The following DCDC1 variants were observed in gnomAD, a reference collection of about 807,000 sequenced individuals.
DCDC1 encodes the protein doublecortin domain containing 1.
In DCDC1, 200 loss-of-function variants were observed where a neutral mutation model predicts 178.3. The ratio of observed to expected loss-of-function variants is 1.12; its 90% CI spans 1.00 to 1.26. The LOEUF (loss-of-function observed/expected upper bound fraction) is 1.26. DCDC1 is among the 50% of genes most tolerant of loss of function. The pLI is 0.00. For synonymous variants in DCDC1, 690 were observed against 604.8 expected, an observed-to-expected ratio of 1.14 and a Z score of -2.07; for missense variants, 1,983 against 1,749.2, an observed-to-expected ratio of 1.13 and a Z score of -2.38.
At chr11:31,308,834 T>C (rs758575391) in intron 3 of DCDC1, among the ~76,000 whole-genome samples, 1 of 152,178 alleles carries the variant, frequency 6.6e-6, no homozygotes, top group East Asian at 1.9e-4. Flanking sequence ...TCAGGTTCCA[T>C]GTATTACCAT....
At chr11:31,061,229 T>G (rs1479765321) in intron 20 of DCDC1, among the ~76,000 whole-genome samples, 1 of 152,134 alleles carries the variant, frequency 6.6e-6, no homozygotes, top group Non-Finnish European at 1.5e-5. Flanking sequence ...CATGCTTTGT[T>G]GGCTGTCCCA....
intron 10 of DCDC1, among the ~76,000 whole-genome samples, chr11:31,137,355 GT>G (rs35286625): frequency 0.29 from 40,168 of 138,406 alleles, 6,745 homozygotes; most frequent in East Asian, 0.62. Flanking sequence ...TTCATTGCAG[GT>G]TTTTTTTTTT....
At chr11:30,903,728 C>G (rs367687932) in intron 31 of DCDC1, 45 bp from the exon 32 acceptor site, 72 of 1,418,036 alleles carry the variant, frequency 5.1e-5, no homozygotes, top group Middle Eastern at 3.7e-4. Flanking sequence ...AAGGTGATAG[C>G]ATTGGGAATG....
At chr11:31,086,575 A>AT (rs1311775892) in intron 17 of DCDC1, among the ~76,000 whole-genome samples, 1 of 152,008 alleles carries the variant, frequency 6.6e-6, no homozygotes, top group Non-Finnish European at 1.5e-5. Flanking sequence ...GTCGATTTTT[A>AT]TTTTTGTGGA....
Position 31,315,308 on chromosome 11 carries a change from T to TTTA in DCDC1, c.165-7401_165-7400insTAA, listed in dbSNP as rs1949016126. Reference sequence around the variant, plus strand: ...TCCATAGTTCCTATTTGCATACCCTTTTTTTTTTTTTTTTTTTTTTTTTTT... The same window carrying TTTA: ...TCCATAGTTCCTATTTGCATACCCTTTTATTTTTTTTTTTTTTTTTTTTTTTTT... On this transcript the variant is annotated intron_variant, in intron 3 of 38. Transcript: ENST00000684477. Among the ~76,000 whole-genome samples the TTTA allele has an allele frequency of 1.7e-3, 46 of 26,656 alleles. No homozygotes were observed. The South Asian group carries it at 0.056, about 33-fold the overall frequency. The allele number at this position is 26,656 out of a possible 152,430, so 17.5% of individuals were successfully genotyped here.
At chr11:31,291,023 T>C (rs1054451977) in intron 6 of DCDC1, among the ~76,000 whole-genome samples, 171 bp from the exon 7 acceptor site, 7 of 152,072 alleles carry the variant, frequency 4.6e-5, no homozygotes, top group Admixed American at 2.0e-4. Context: ...ACATAAGCTG[T>C]AGCAAGCTGT....
In DCDC1 at chr11:30,952,436, C is replaced by T; in HGVS notation, c.2715+9G>A. ...CTCAATGACCATCTCTTAAGCTAAG[C>T]AACACAACCTCATTAAGTTGGCCAC... is the stretch of plus-strand genomic sequence containing the variant. On this transcript the variant is annotated intron_variant, in intron 21 of 38. Transcript: ENST00000684477. 1 of 1,552,476 alleles carries T rather than the reference C, an allele frequency of 6.4e-7. No individual in the cohort carries two copies. The highest frequency in any genetic ancestry group is 8.7e-7 in the Non-Finnish European group (1 of 1,150,100).
chr11:31,015,400 C>T (rs1353654652), intron 20 of DCDC1, among the ~76,000 whole-genome samples: 2 of 152,074 alleles, frequency 1.3e-5, no homozygotes, highest in Non-Finnish European at 2.9e-5. Flanking sequence ...CACTGAAATG[C>T]TTCGTTTTTC....
chr11:31,270,311 C>T (rs1465656370), intron 7 of DCDC1, among the ~76,000 whole-genome samples: 1 of 152,204 alleles, frequency 6.6e-6, no homozygotes, highest in Non-Finnish European at 1.5e-5. Flanking sequence ...TGTAAAACAG[C>T]CACATTTGAT....
intron 20 of DCDC1, among the ~76,000 whole-genome samples, chr11:30,996,119 C>T (rs1309781617): frequency 2.0e-5 from 3 of 152,108 alleles, no homozygotes; most frequent in Non-Finnish European, 2.9e-5. Context: ...ACAGACCCAT[C>T]ACCGAAAGAA....
intron 9 of DCDC1, among the ~76,000 whole-genome samples, chr11:31,208,842 A>C (rs1972163717): frequency 6.6e-6 from 1 of 152,200 alleles, no homozygotes; most frequent in South Asian, 2.1e-4. Context: ...TCACCTCCTC[A>C]GAGACTGCCT....
chr11:31,139,070 T>C (rs1470200328), intron 9 of DCDC1, among the ~76,000 whole-genome samples: 1 of 152,148 alleles, frequency 6.6e-6, no homozygotes, highest in Non-Finnish European at 1.5e-5. Context: ...ATTACTTGAC[T>C]CTGCCATTGT....
At chr11:31,227,812 C>A (rs569720936) in intron 9 of DCDC1, among the ~76,000 whole-genome samples, 1 of 151,870 alleles carries the variant, frequency 6.6e-6, no homozygotes, top group Admixed American at 6.6e-5. Context: ...AGTAAAAGGA[C>A]ATTATTTTAT....
chr11:31,236,666 C>T (rs1186623438), intron 9 of DCDC1, among the ~76,000 whole-genome samples: 2 of 151,860 alleles, frequency 1.3e-5, no homozygotes, highest in African/African-American at 2.4e-5. Context: ...AATCAACAAT[C>T]ACTCAAATCT....
chr11:31,282,526 GTTA>G (rs1946523668), intron 7 of DCDC1, among the ~76,000 whole-genome samples: 1 of 151,830 alleles, frequency 6.6e-6, no homozygotes, highest in Non-Finnish European at 1.5e-5. Flanking sequence ...GATATATTTG[GTTA>G]TTTATTTCTA....
chr11:30,866,746 C>T (rs1941014929), intron 38 of DCDC1, among the ~76,000 whole-genome samples: 1 of 152,032 alleles, frequency 6.6e-6, no homozygotes, highest in African/African-American at 2.4e-5. Context: ...TCTTGTGGTA[C>T]TTAATTATGG....
intron 7 of DCDC1, chr11:31,281,047 TCC>T: frequency 2.0e-6 from 1 of 488,692 alleles, no homozygotes. Flanking sequence ...CGTCCCATTC[TCC>T]TTAAATTTCA....
intron 34 of DCDC1, among the ~76,000 whole-genome samples, chr11:30,897,984 G>A (rs1590273468): frequency 6.6e-6 from 1 of 152,284 alleles, no homozygotes; most frequent in East Asian, 1.9e-4. Flanking sequence ...AGAATGAGTA[G>A]GAGCGACCTA....
At chr11:30,934,213 T>G (rs1424758196) in intron 21 of DCDC1, among the ~76,000 whole-genome samples, 1 of 152,152 alleles carries the variant, frequency 6.6e-6, no homozygotes, top group African/African-American at 2.4e-5. Flanking sequence ...GGCCTTAAAT[T>G]TATTAGGCGA....
Sources: allele counts gnomAD v4.1 joint callset (sites outside exome capture counted in the v4.1 genomes callset), GRCh38; gene constraint gnomAD v4.1.1; transcripts MANE v1.5; gene names NCBI Gene and HGNC (gene_info 2026-07-23, HGNC 2026-07-21).